Variants in EFHC2 observed in about 807,000 individuals in gnomAD.
EFHC2 encodes EF-hand domain containing 2, also known as EF-hand domain-containing family member C2.
In EFHC2, 18 loss-of-function variants were observed where a neutral mutation model predicts 52.7. The observed-to-expected ratio is 0.34, with a 90% CI of 0.24 to 0.51. The LOEUF is 0.51. EFHC2 is among the 20% of genes least tolerant of loss of function. The pLI is 0.97. For missense variants in EFHC2, 513 were observed against 562.5 expected, an observed-to-expected ratio of 0.91 and a Z score of 0.89; for synonymous variants, 203 against 204.1, an observed-to-expected ratio of 0.99 and a Z score of 0.04.
intron 11 of EFHC2, chrX:44,225,831 G>A: frequency 9.0e-6 from 1 of 111,608 alleles, no homozygotes; most frequent in Non-Finnish European, 1.9e-5. Context: ...ACTTCCCTAA[G>A]TAAGAGCCAG....
At chrX:44,256,310 T>C (rs1466341859) in intron 4 of EFHC2, among the ~76,000 whole-genome samples, 2 of 110,020 alleles carry the variant, frequency 1.8e-5, no homozygotes, top group Admixed American at 9.6e-5. Flanking sequence ...CTGAAGGAGA[T>C]AGAGACACAA....
chrX:44,297,049 A>C (rs2037830659), intron 2 of EFHC2, among the ~76,000 whole-genome samples: 1 of 111,989 alleles, frequency 8.9e-6, no homozygotes, highest in South Asian at 3.7e-4. Context: ...GTAAGGAAAT[A>C]ATTCTTCGTG....
At chrX:44,186,687 C>G (rs913509079) in intron 11 of EFHC2, among the ~76,000 whole-genome samples, 1 of 111,811 alleles carries the variant, frequency 8.9e-6, no homozygotes, top group Non-Finnish European at 1.9e-5. Context: ...TTATTGATCA[C>G]ACAACGGTTG....
intron 2 of EFHC2, among the ~76,000 whole-genome samples, chrX:44,281,251 T>C (rs1474910570): frequency 8.9e-6 from 1 of 112,215 alleles, no homozygotes; most frequent in Non-Finnish European, 1.9e-5. Context: ...ACCTGATAAA[T>C]AGTTCAGCCT....
chrX:44,263,781 A>G (rs1025864418), intron 3 of EFHC2, among the ~76,000 whole-genome samples: 6 of 112,260 alleles, frequency 5.3e-5, no homozygotes, highest in Non-Finnish European at 9.4e-5. Context: ...AAAATATATA[A>G]GAATTATTCA....
At chrX:44,261,443 C>T (rs753571631) in intron 3 of EFHC2, 145 bp from the exon 4 acceptor site, 1 of 464,923 alleles carries the variant, frequency 2.2e-6, no homozygotes, top group African/African-American at 2.4e-5. Flanking sequence ...TAGTACATTC[C>T]AACTCTGAGG....
intron 11 of EFHC2, among the ~76,000 whole-genome samples, chrX:44,224,910 GTGC>G (rs56365737): frequency 0.29 from 31,684 of 109,336 alleles, 3,831 homozygotes; most frequent in African/African-American, 0.41. Flanking sequence ...TGGGCTCTCA[GTGC>G]TGCTGCTGCT....
chrX:44,173,999 C>T (rs1345804759), intron 13 of EFHC2, among the ~76,000 whole-genome samples: 2 of 111,830 alleles, frequency 1.8e-5, no homozygotes, highest in Non-Finnish European at 3.8e-5. Context: ...GTGTGAAAGG[C>T]ATTCAGATCC....
intron 12 of EFHC2, among the ~76,000 whole-genome samples, chrX:44,177,527 C>T (rs1309362714): frequency 9.2e-6 from 1 of 109,082 alleles, no homozygotes. Flanking sequence ...TTTCTCCCCA[C>T]TGTATAAGGT....
At chrX:44,187,833 A>T (rs2036888465) in intron 11 of EFHC2, among the ~76,000 whole-genome samples, 1 of 110,753 alleles carries the variant, frequency 9.0e-6, no homozygotes, top group South Asian at 3.9e-4. Context: ...ACTAACACTT[A>T]AAAAGGTCTT....
intron 11 of EFHC2, among the ~76,000 whole-genome samples, chrX:44,185,542 CT>C (rs369280345): frequency 0.033 from 3,392 of 103,794 alleles, 159 homozygotes; most frequent in African/African-American, 0.11. Context: ...AATAATAAGT[CT>C]TTTTTTTTTT....
chrX:44,193,026 G>C (rs1371107567), intron 11 of EFHC2, among the ~76,000 whole-genome samples: 4 of 110,155 alleles, frequency 3.6e-5, no homozygotes, highest in Non-Finnish European at 5.7e-5. Context: ...CCTCCCTTGT[G>C]GAATTACTGA....
intron 2 of EFHC2, among the ~76,000 whole-genome samples, chrX:44,282,934 G>C (rs2037718249): frequency 1.8e-5 from 2 of 108,909 alleles, no homozygotes; most frequent in South Asian, 8.2e-4. Context: ...CTCTTAGATG[G>C]AGCGGGCTGC....
At chrX:44,217,407 GA>G (rs1371249956) in intron 11 of EFHC2, among the ~76,000 whole-genome samples, 1 of 111,854 alleles carries the variant, frequency 8.9e-6, no homozygotes, top group Non-Finnish European at 1.9e-5. Flanking sequence ...GTATATCGAA[GA>G]GATATCTGCA....
intron 2 of EFHC2, among the ~76,000 whole-genome samples, chrX:44,283,339 C>T (rs1406369859): frequency 9.0e-6 from 1 of 110,767 alleles, no homozygotes; most frequent in Non-Finnish European, 1.9e-5. Context: ...CCCGCCACCA[C>T]ACCCAGCTAA....
At chrX:44,180,757 T>TAAATAAAA (rs1556000882) in intron 11 of EFHC2, among the ~76,000 whole-genome samples, 1 of 104,907 alleles carries the variant, frequency 9.5e-6, no homozygotes, top group Non-Finnish European at 2.0e-5. Flanking sequence ...AATAAATAAA[T>TAAATAAAA]AAAAATAAAA....
chrX:44,168,994 A>G (rs1443928655), intron 13 of EFHC2, among the ~76,000 whole-genome samples: 1 of 111,364 alleles, frequency 9.0e-6, no homozygotes, highest in Non-Finnish European at 1.9e-5. Context: ...AAAAAAAACA[A>G]AAAACAAAAG....
chrX:44,312,461 G>A, intron 2 of EFHC2, 107 bp downstream of exon 2: 6 of 570,695 alleles, frequency 1.1e-5, no homozygotes, highest in South Asian at 6.2e-5. Context: ...AAAAGAAAAA[G>A]AACTAGCCTT....
At chrX:44,295,577 T>C (rs1035411512) in intron 2 of EFHC2, among the ~76,000 whole-genome samples, 4 of 109,971 alleles carry the variant, frequency 3.6e-5, no homozygotes, top group African/African-American at 1.3e-4. Context: ...TGTAGCAGAG[T>C]GGGCAGTTGA....
Sources: gnomAD v4.1 joint callset for allele counts (sites outside exome capture counted in the v4.1 genomes callset) on GRCh38, gnomAD v4.1.1 for gene constraint, MANE v1.5 for transcripts, NCBI Gene and HGNC (gene_info 2026-07-23, HGNC 2026-07-21) for gene names.